The following TSNARE1 variants were observed in gnomAD, a reference collection of about 807,000 sequenced individuals.
TSNARE1 encodes t-SNARE domain-containing protein 1.
Under a neutral mutation model 62.0 loss-of-function variants are expected in TSNARE1, and 49 were observed. That is an observed-to-expected ratio of 0.79 (90% CI 0.63 to 1.00). TSNARE1 has a LOEUF of 1.00. Ranked by LOEUF, TSNARE1 falls within the 50% of genes least tolerant of loss-of-function variation. The pLI, the probability that TSNARE1 is intolerant of heterozygous loss-of-function variation, is 0.00. For missense variants in TSNARE1, 755 were observed against 700.1 expected (o/e 1.08, Z -0.88); for synonymous variants, 328 against 294.4 (o/e 1.11, Z -1.17).
At chr8:142,365,524 T>G (rs1369614222) in intron 1 of TSNARE1, among the ~76,000 whole-genome samples, 1 of 151,806 alleles carries the variant, frequency 6.6e-6, no homozygotes, top group Non-Finnish European at 1.5e-5. Context: ...CATTGTGTAT[T>G]TGGGGATCAA....
intron 12 of TSNARE1, among the ~76,000 whole-genome samples, chr8:142,263,208 C>T (rs922527952): frequency 1.3e-5 from 2 of 152,182 alleles, no homozygotes; most frequent in Non-Finnish European, 2.9e-5. Flanking sequence ...TTTGATGAGT[C>T]TTAAAAATAT....
At chr8:142,405,276 C>T (rs1219226433), upstream of TSNARE1, 1 of 152,280 alleles carries the variant, frequency 6.6e-6, no homozygotes, top group Non-Finnish European at 1.5e-5. Context: ...CTCTGCCCCT[C>T]CCTGGAAGAG....
At chr8:142,401,998 G>A (rs928410382) in intron 1 of TSNARE1, among the ~76,000 whole-genome samples, 3 of 152,074 alleles carry the variant, frequency 2.0e-5, no homozygotes, top group Admixed American at 1.3e-4. Flanking sequence ...AGGCACTAAA[G>A]ATAAAACAGA....
intron 1 of TSNARE1, among the ~76,000 whole-genome samples, chr8:142,388,339 G>T (rs1412401465): frequency 6.6e-6 from 1 of 151,746 alleles, no homozygotes; most frequent in African/African-American, 2.4e-5. Flanking sequence ...TTCCTAATAG[G>T]TGTCTACTAA....
intron 3 of TSNARE1, among the ~76,000 whole-genome samples, 174 bp downstream of exon 3, chr8:142,345,569 A>G (rs1005234380): frequency 6.6e-6 from 1 of 152,068 alleles, no homozygotes; most frequent in African/African-American, 2.4e-5. Context: ...GGCCGGCTGC[A>G]CCCTTGACCC....
intron 1 of TSNARE1, among the ~76,000 whole-genome samples, chr8:142,390,226 A>G (rs1837392551): frequency 6.6e-6 from 1 of 152,166 alleles, no homozygotes; most frequent in Non-Finnish European, 1.5e-5. Flanking sequence ...ATTACTGTAC[A>G]CTTTGGGGGA....
intron 2 of TSNARE1, among the ~76,000 whole-genome samples, chr8:142,347,372 A>T (rs941490645): frequency 3.7e-4 from 57 of 152,160 alleles, no homozygotes; most frequent in Non-Finnish European, 8.8e-5. Flanking sequence ...CAAGTCACAG[A>T]CGCCTCTCAG....
chr8:142,347,864 T>C lies in TSNARE1; in HGVS notation c.89-1972A>G, dbSNP rs554522320. On this transcript the variant is annotated intron_variant, in intron 2 of 13. Coordinates refer to ENST00000524325, the MANE Select transcript of TSNARE1 (RefSeq NM_145003.5). ...CCATCACCTCGCCACACTGCATCCG[T>C]TCACCCAAGTCCAGAAGGACATGTC... 1.1e-3 allele frequency among the ~76,000 whole-genome samples: 141 copies of C among 126,034 alleles called. 1 individual carries two copies. The highest frequency in any genetic ancestry group is 9.3e-3 in the Middle Eastern group (2 of 216). 82.7% of individuals were successfully genotyped at this position (126,034 alleles called of 152,430 possible). A position where few individuals can be genotyped will look rare whatever the true frequency, so the allele number is the denominator to read the frequency against.
chr8:142,359,678 T>A (rs960787697), intron 1 of TSNARE1, among the ~76,000 whole-genome samples: 1 of 152,198 alleles, frequency 6.6e-6, no homozygotes, highest in African/African-American at 2.4e-5. Flanking sequence ...CACCTGCACC[T>A]GCTCAGCAGG....
At chr8:142,278,220 G>A in intron 11 of TSNARE1, 2 of 985,436 alleles carry the variant, frequency 2.0e-6, no homozygotes. Flanking sequence ...GGGTTGGCTG[G>A]GTCTACATGC....
chr8:142,357,984 G>A (rs1208036167), intron 1 of TSNARE1, among the ~76,000 whole-genome samples: 69 of 140,818 alleles, frequency 4.9e-4, no homozygotes, highest in African/African-American at 1.2e-3. Flanking sequence ...GACAAGGGGA[G>A]CAGCCAGCGG....
intron 8 of TSNARE1, among the ~76,000 whole-genome samples, 200 bp from the exon 9 acceptor site, chr8:142,314,640 G>A (rs1489743199): frequency 2.0e-5 from 3 of 151,972 alleles, no homozygotes; most frequent in Non-Finnish European, 4.4e-5. Context: ...ACTCCCAGAA[G>A]AGGCTGCCAG....
intron 12 of TSNARE1, chr8:142,270,764 G>A (rs1379594667): frequency 6.1e-6 from 6 of 985,314 alleles, no homozygotes; most frequent in Non-Finnish European, 7.2e-6. Flanking sequence ...CAGGGACGCT[G>A]GGCTGCAGAC....
At chr8:142,248,518 G>T (rs961865682) in intron 12 of TSNARE1, among the ~76,000 whole-genome samples, 1 of 152,172 alleles carries the variant, frequency 6.6e-6, no homozygotes, top group Admixed American at 6.5e-5. Context: ...GGCTGAGAAC[G>T]CGGCCCCCAG....
At chr8:142,343,142 G>C (rs2130249668) in intron 4 of TSNARE1, among the ~76,000 whole-genome samples, 1 of 152,268 alleles carries the variant, frequency 6.6e-6, no homozygotes, top group African/African-American at 2.4e-5. Flanking sequence ...CTGAGCCTCA[G>C]CCTCAGGGTC....
chr8:142,320,124 G>A (rs543936539), intron 6 of TSNARE1, among the ~76,000 whole-genome samples: 10 of 152,204 alleles, frequency 6.6e-5, no homozygotes, highest in African/African-American at 1.7e-4. Flanking sequence ...GCTGCCACTC[G>A]GCCTCCCGTC....
chr8:142,260,494 G>A (rs1385710094), intron 12 of TSNARE1, among the ~76,000 whole-genome samples: 3 of 152,166 alleles, frequency 2.0e-5, no homozygotes, highest in Admixed American at 6.5e-5. Context: ...CAGGGAGGCT[G>A]GGTGGGTTAT....
chr8:142,228,848 T>C (rs535513142), intron 13 of TSNARE1, among the ~76,000 whole-genome samples: 23 of 151,954 alleles, frequency 1.5e-4, no homozygotes, highest in African/African-American at 5.5e-4. Flanking sequence ...AATGGATGGG[T>C]GGAAGGATGA....
At chr8:142,347,188 C>T (rs759591059) in intron 2 of TSNARE1, among the ~76,000 whole-genome samples, 8 of 152,240 alleles carry the variant, frequency 5.3e-5, no homozygotes, top group Non-Finnish European at 7.3e-5. Context: ...CGGAGGTTTC[C>T]GCAGGGCAGA....
Sources: gnomAD v4.1 joint callset for allele counts (sites outside exome capture counted in the v4.1 genomes callset) on GRCh38, gnomAD v4.1.1 for gene constraint, MANE v1.5 for transcripts, NCBI Gene and HGNC (gene_info 2026-07-23, HGNC 2026-07-21) for gene names.